PKNOX2: variants seen among roughly 807,000 people sequenced by gnomAD.
PKNOX2 encodes PBX/knotted 1 homeobox 2, also known as homeobox protein PKNOX2.
PKNOX2 carries 14 observed loss-of-function variants against 53.1 expected under a neutral mutation model. The ratio of observed to expected loss-of-function variants is 0.26; its 90% CI spans 0.17 to 0.41. The LOEUF (loss-of-function observed/expected upper bound fraction) is 0.41, where lower values mean the gene tolerates loss of function less well. Among genes scored for constraint, PKNOX2 ranks in the 10% least tolerant of loss-of-function variants. The probability of loss-of-function intolerance (pLI) is 1.00; values close to 1 mark genes in which losing one functional copy is unlikely to be tolerated. For synonymous variants in PKNOX2, 257 were observed against 242.8 expected (o/e 1.06, Z -0.54); for missense variants, 496 against 602.8 (o/e 0.82, Z 1.85).
rs1956216392 is a variant in PKNOX2 at position 125,422,395 on chromosome 11, G to T, written c.937-6617G>T. Reference sequence around the variant, plus strand: ...TTAGACCTCAGACTCCTGCCTGTGGGGTGAGAGTGTTTTCTCCACCCATCC... The same window carrying T: ...TTAGACCTCAGACTCCTGCCTGTGGTGTGAGAGTGTTTTCTCCACCCATCC... On this transcript the variant is annotated intron_variant, in intron 10 of 12. Coordinates refer to ENST00000298282, the MANE Select transcript of PKNOX2 (RefSeq NM_001382323.2). The surrounding 1 kb of genome is among the most constrained non-coding windows in gnomAD (Gnocchi z 4.1). Among the ~76,000 whole-genome samples the T allele has an allele frequency of 6.6e-6, 1 of 152,144 alleles. No individual in the cohort carries two copies. Among genetic ancestry groups the T allele is most frequent in the African/African-American group, 2.4e-5 (1 of 41,434 alleles).
chr11:125,362,577 TCCAGG>T (rs1951983783), intron 4 of PKNOX2, among the ~76,000 whole-genome samples: 2 of 152,092 alleles, frequency 1.3e-5, no homozygotes, highest in African/African-American at 4.8e-5. Flanking sequence ...TGTTTTGTTG[TCCAGG>T]CTGGTCTTGA....
intron 2 of PKNOX2, among the ~76,000 whole-genome samples, chr11:125,278,701 G>A (rs918381802): frequency 2.6e-5 from 4 of 152,212 alleles, no homozygotes; most frequent in African/African-American, 9.7e-5. Flanking sequence ...CCATCCTGGA[G>A]GTGTTTGGTT....
At chr11:125,363,239 G>A (rs185005377) in intron 4 of PKNOX2, among the ~76,000 whole-genome samples, 5 of 152,298 alleles carry the variant, frequency 3.3e-5, no homozygotes, top group East Asian at 1.9e-4. Context: ...TTATTAGCAC[G>A]GGTGCAGGTG....
chr11:125,227,718 C>T (rs1382769099), intron 1 of PKNOX2, among the ~76,000 whole-genome samples: 1 of 152,224 alleles, frequency 6.6e-6, no homozygotes, highest in Non-Finnish European at 1.5e-5. Context: ...GCTTCAGTCG[C>T]CACTTTTGCT....
At chr11:125,298,227 AT>A (rs750696842) in intron 2 of PKNOX2, among the ~76,000 whole-genome samples, 11 of 152,322 alleles carry the variant, frequency 7.2e-5, no homozygotes, top group East Asian at 3.9e-4. Context: ...ACAGGGGTAG[AT>A]GAAGGGCCTT....
chr11:125,214,418 G>A (rs1940234412), intron 1 of PKNOX2, among the ~76,000 whole-genome samples: 1 of 152,210 alleles, frequency 6.6e-6, no homozygotes, highest in Non-Finnish European at 1.5e-5. Flanking sequence ...GCATGGATTT[G>A]TGTTGTCAGC....
At chr11:125,402,680 A>G (rs936650091) in intron 7 of PKNOX2, among the ~76,000 whole-genome samples, 2 of 152,156 alleles carry the variant, frequency 1.3e-5, no homozygotes, top group Non-Finnish European at 2.9e-5. Flanking sequence ...CAGGGTCAAG[A>G]GTACAGAGGA....
rs568130310 is a variant in PKNOX2, at chr11:125,416,915, G to A, written c.936+5050G>A. ...TGTTCTGCAGCCCTGGCAGCTACAG[G>A]AAAGTATTCAGATGATAGAAGGCTC... On this transcript the variant is annotated intron_variant, in intron 10 of 12. Coordinates refer to ENST00000298282, the MANE Select transcript of PKNOX2 (RefSeq NM_001382323.2). Among the ~76,000 whole-genome samples the A allele has an allele frequency of 7.0e-4, 107 of 152,132 alleles. 2 individuals carry two copies. The South Asian group carries it at 0.022, about 31-fold the overall frequency.
intron 2 of PKNOX2, among the ~76,000 whole-genome samples, chr11:125,244,257 C>G (rs1475027053): frequency 6.6e-6 from 1 of 152,260 alleles, no homozygotes; most frequent in African/African-American, 2.4e-5. Context: ...GGACCCCAGT[C>G]CCCTGTAGGT....
At chr11:125,333,549 TAC>T (rs57352759) in intron 3 of PKNOX2, among the ~76,000 whole-genome samples, 6,589 of 141,248 alleles carry the variant, frequency 0.047, 297 homozygotes, top group African/African-American at 0.12. Context: ...CACACACACA[TAC>T]ACACACACAC....
intron 3 of PKNOX2, among the ~76,000 whole-genome samples, chr11:125,334,246 G>C (rs1950308211): frequency 6.6e-6 from 1 of 152,166 alleles, no homozygotes; most frequent in African/African-American, 2.4e-5. Context: ...AGGGAGAAAG[G>C]GAGCCCCAAA....
chr11:125,307,656 T>C (rs1948553831), intron 2 of PKNOX2, among the ~76,000 whole-genome samples: 1 of 152,178 alleles, frequency 6.6e-6, no homozygotes, highest in African/African-American at 2.4e-5. Context: ...ATATGTCCCT[T>C]AGGGATCTGC....
intron 1 of PKNOX2, among the ~76,000 whole-genome samples, chr11:125,197,438 G>T (rs1315346500): frequency 6.6e-6 from 1 of 152,130 alleles, no homozygotes; most frequent in Non-Finnish European, 1.5e-5. Flanking sequence ...CCTGAGTGGG[G>T]ATCTCTCTTT....
chr11:125,298,509 G>A (rs76381114), intron 2 of PKNOX2, among the ~76,000 whole-genome samples: 5,636 of 152,226 alleles, frequency 0.037, 342 homozygotes, highest in African/African-American at 0.13. Flanking sequence ...CCTGACTCTG[G>A]GGTGGGTGAA....
chr11:125,178,694 GAGAGAA>G (rs1363056280), intron 1 of PKNOX2, among the ~76,000 whole-genome samples: 1 of 134,116 alleles, frequency 7.5e-6, no homozygotes, highest in Non-Finnish European at 1.6e-5. Flanking sequence ...GAGAGAGAGA[GAGAGAA>G]AGAAAGAAAG....
chr11:125,396,264 T>C (rs1224108030), intron 6 of PKNOX2, among the ~76,000 whole-genome samples: 3 of 152,198 alleles, frequency 2.0e-5, no homozygotes, highest in Admixed American at 6.5e-5. Flanking sequence ...TGGATCATGC[T>C]TTTGGTGTCA....
At chr11:125,301,532 A>T (rs1948069949) in intron 2 of PKNOX2, among the ~76,000 whole-genome samples, 1 of 152,068 alleles carries the variant, frequency 6.6e-6, no homozygotes, top group East Asian at 1.9e-4. Context: ...GGCATTATCA[A>T]GGATTTCAGC....
chr11:125,222,566 A>T (rs1340650018), intron 1 of PKNOX2, among the ~76,000 whole-genome samples: 1 of 151,110 alleles, frequency 6.6e-6, no homozygotes, highest in Non-Finnish European at 1.5e-5. Context: ...TCAAGCACCT[A>T]ATGTGTAATA....
rs368618567 is a variant in PKNOX2 at position 125,385,687 on chromosome 11, C to A, written c.364C>A (p.Pro122Thr). 19 of 1,613,620 alleles carry A rather than the reference C, an allele frequency of 1.2e-5. No homozygotes were observed. The highest frequency in any genetic ancestry group is 2.7e-5 in the African/African-American group (2 of 74,894). ...FVHQQEQEHK[P>T]FFSDDPELDN... ...CCACCAGCAGGAACAGGAGCACAAA[C>A]CCTTCTTCAGCGATGACCCAGAACT... Residue 122 changes from proline (P) to threonine (T), a missense_variant, in exon 6 of 13, where the codon CCC (proline) becomes ACC (threonine). Pro to Thr is a conservative substitution (Grantham distance 38, BLOSUM62 -1). Around this residue, in one of 5 missense-constraint regions of PKNOX2, gnomAD observed 168 missense variants for 178.4 expected, o/e 0.94. Coordinates refer to ENST00000298282, the MANE Select transcript of PKNOX2 (RefSeq NM_001382323.2).
Sources: gnomAD v4.1 joint callset for allele counts (sites outside exome capture counted in the v4.1 genomes callset) on GRCh38, gnomAD v4.1.1 for gene constraint, gnomAD v4.1.1 regional missense constraint, Gnocchi (gnomAD v3.1) non-coding constraint, MANE v1.5 for transcripts, NCBI Gene and HGNC (gene_info 2026-07-23, HGNC 2026-07-21) for gene names.